The following CTNNA2 variants were observed in gnomAD, a reference collection of about 807,000 sequenced individuals.
CTNNA2 encodes the protein catenin alpha-2.
A neutral mutation model predicts 101.0 loss-of-function variants in CTNNA2; 42 were observed. The ratio of observed to expected loss-of-function variants is 0.42; its 90% CI spans 0.32 to 0.54. The LOEUF (loss-of-function observed/expected upper bound fraction) is 0.54. Among genes scored for constraint, CTNNA2 ranks in the 20% least tolerant of loss-of-function variants. The probability of loss-of-function intolerance (pLI) is 0.14; values close to 1 mark genes in which losing one functional copy is unlikely to be tolerated. For missense variants in CTNNA2, 871 were observed against 1,223.1 expected (o/e 0.71, Z 4.29); for synonymous variants, 450 against 456.4 (o/e 0.99, Z 0.18).
chr2:79,247,551 A>G (rs1326960951), intron 2 of CTNNA2, among the ~76,000 whole-genome samples: 3 of 152,224 alleles, frequency 2.0e-5, no homozygotes, highest in Non-Finnish European at 2.9e-5. Context: ...CTAGCATAAT[A>G]CTTGTCAAAT....
intron 7 of CTNNA2, among the ~76,000 whole-genome samples, chr2:79,915,582 A>T (rs1488751666): frequency 2.0e-5 from 3 of 152,218 alleles, no homozygotes; most frequent in African/African-American, 7.2e-5. Flanking sequence ...TGCTGGCAGT[A>T]CAGAGTTCTG....
At chr2:79,745,247 AC>A (rs1671559966) in intron 3 of CTNNA2, among the ~76,000 whole-genome samples, 1 of 152,128 alleles carries the variant, frequency 6.6e-6, no homozygotes, top group Non-Finnish European at 1.5e-5. Flanking sequence ...CCTGGGCAAC[AC>A]GGTGAAACCC....
At chr2:79,343,471 G>A (rs1022943541) in intron 3 of CTNNA2, among the ~76,000 whole-genome samples, 1 of 152,124 alleles carries the variant, frequency 6.6e-6, no homozygotes, top group African/African-American at 2.4e-5. Context: ...GAGATGAATT[G>A]TTTCATGTGC....
At chr2:79,708,002 C>T (rs546258605) in intron 2 of CTNNA2, among the ~76,000 whole-genome samples, 2 of 152,274 alleles carry the variant, frequency 1.3e-5, no homozygotes, top group South Asian at 4.1e-4. Flanking sequence ...TTACTGTGTG[C>T]CAAGTCATTA....
chr2:80,251,489 CTG>C (rs1222078726), intron 7 of CTNNA2, among the ~76,000 whole-genome samples: 1 of 152,054 alleles, frequency 6.6e-6, no homozygotes, highest in African/African-American at 2.4e-5. Flanking sequence ...CCCTCTTAAA[CTG>C]TGTAATGAAA....
chr2:79,424,811 A>T (rs1156356082), intron 4 of CTNNA2, among the ~76,000 whole-genome samples: 2 of 152,192 alleles, frequency 1.3e-5, no homozygotes, highest in Non-Finnish European at 2.9e-5. Context: ...AAATAGAATT[A>T]AGGTTCATGG....
At chr2:79,277,866 T>G (rs554676805) in intron 2 of CTNNA2, among the ~76,000 whole-genome samples, 22 of 152,194 alleles carry the variant, frequency 1.4e-4, no homozygotes, top group Non-Finnish European at 3.2e-4. Context: ...AAGTACATTT[T>G]GACCTAATCT....
intron 3 of CTNNA2, among the ~76,000 whole-genome samples, chr2:79,346,417 T>C (rs974389619): frequency 6.6e-6 from 1 of 152,230 alleles, no homozygotes; most frequent in Non-Finnish European, 1.5e-5. Flanking sequence ...AGTATGCTTA[T>C]TGTAAGTACA....
chr2:80,225,370 G>T (rs1167622108), intron 7 of CTNNA2, among the ~76,000 whole-genome samples: 1 of 152,174 alleles, frequency 6.6e-6, no homozygotes, highest in Non-Finnish European at 1.5e-5. Context: ...GCACTGCTTT[G>T]GGATTCAGAA....
intron 9 of CTNNA2, among the ~76,000 whole-genome samples, chr2:80,477,081 A>G (rs1176634067): frequency 3.9e-5 from 6 of 152,200 alleles, no homozygotes; most frequent in Non-Finnish European, 5.9e-5. Flanking sequence ...CCTAGAGTTT[A>G]TAGATAATCA....
intron 7 of CTNNA2, among the ~76,000 whole-genome samples, chr2:80,384,020 A>G (rs1573907515): frequency 6.6e-6 from 1 of 152,152 alleles, no homozygotes; most frequent in East Asian, 1.9e-4. Context: ...TTGCAGCAAC[A>G]TGGATGGAGC....
intron 1 of CTNNA2, among the ~76,000 whole-genome samples, chr2:79,534,961 T>C (rs1393236571): frequency 6.6e-6 from 1 of 151,210 alleles, no homozygotes. Context: ...TTTAATCTGA[T>C]ATTGAGTAGG....
intron 9 of CTNNA2, among the ~76,000 whole-genome samples, chr2:80,466,460 G>A (rs752512598): frequency 6.6e-6 from 1 of 152,074 alleles, no homozygotes; most frequent in Non-Finnish European, 1.5e-5. Flanking sequence ...GACTTTCCAG[G>A]TAAAACTTGG....
At chr2:79,835,780 G>A (rs1457315993) in intron 3 of CTNNA2, among the ~76,000 whole-genome samples, 2 of 134,848 alleles carry the variant, frequency 1.5e-5, no homozygotes, top group Non-Finnish European at 3.1e-5. Context: ...CTACAGGCAT[G>A]TGCCACCATA....
chr2:80,566,984 G>A (rs536551194), intron 12 of CTNNA2, among the ~76,000 whole-genome samples: 8 of 152,234 alleles, frequency 5.3e-5, no homozygotes, highest in South Asian at 2.1e-4. Flanking sequence ...AACAGTGTAC[G>A]AACCCTTAGC....
chr2:79,276,823 A>G (rs916551142), intron 2 of CTNNA2, among the ~76,000 whole-genome samples: 7 of 152,072 alleles, frequency 4.6e-5, no homozygotes, highest in Non-Finnish European at 1.0e-4. Flanking sequence ...TGTCATGAAA[A>G]TTAAATGTTG....
chr2:79,609,021 G>A (rs1196584853), intron 1 of CTNNA2, among the ~76,000 whole-genome samples: 5 of 151,888 alleles, frequency 3.3e-5, no homozygotes, highest in African/African-American at 1.2e-4. Context: ...AGAATAATAA[G>A]TGACTTTTGC....
intron 1 of CTNNA2, among the ~76,000 whole-genome samples, chr2:79,587,805 C>T (rs1002009308): frequency 6.6e-6 from 1 of 152,198 alleles, no homozygotes; most frequent in Non-Finnish European, 1.5e-5. Flanking sequence ...TCAAACTATT[C>T]ATCTTTCTCC....
At position 80,075,620 on chromosome 2, in the gene CTNNA2, A is replaced by ATTATTTT. The variant is rs564646511; in HGVS notation, c.1056+165824_1056+165825insTATTTTT. On this transcript the variant is annotated intron_variant, in intron 7 of 18. Transcript: ENST00000402739. ...TATAAATATTTATACATGTATAAAT[A>ATTATTTT]TAAATATTTATACATGTATAAATAT... 8.2e-4 allele frequency among the ~76,000 whole-genome samples: 87 copies of ATTATTTT among 106,512 alleles called. 2 individuals are homozygous for ATTATTTT. The highest frequency in any genetic ancestry group is 9.2e-3 in the Middle Eastern group (2 of 218). The allele number at this position is 106,512 out of a possible 152,430, so 69.9% of individuals were successfully genotyped here. A position where few individuals can be genotyped will look rare whatever the true frequency, so the allele number is the denominator to read the frequency against.
Sources: allele counts gnomAD v4.1 joint callset (sites outside exome capture counted in the v4.1 genomes callset), GRCh38; gene constraint gnomAD v4.1.1; transcripts MANE v1.5; gene names NCBI Gene and HGNC (gene_info 2026-07-23, HGNC 2026-07-21).